SLIT1: variants seen among roughly 807,000 people sequenced by gnomAD.
SLIT1 encodes the protein slit homolog 1 protein.
In SLIT1, 66 loss-of-function variants were observed where a neutral mutation model predicts 186.1. The ratio of observed to expected loss-of-function variants is 0.35; its 90% CI spans 0.29 to 0.44. The LOEUF is 0.44. Among genes scored for constraint, SLIT1 ranks in the 20% least tolerant of loss-of-function variants. The pLI is 1.00. For synonymous variants in SLIT1, 761 were observed against 833.8 expected (o/e 0.91, Z 1.50); for missense variants, 1,638 against 2,037.4 (o/e 0.80, Z 3.77).
At chr10:97,127,448 C>T (rs1230984666) in intron 4 of SLIT1, among the ~76,000 whole-genome samples, 1 of 152,214 alleles carries the variant, frequency 6.6e-6, no homozygotes, top group African/African-American at 2.4e-5. Context: ...GCAGTACCTA[C>T]CAGATGCAAG....
intron 11 of SLIT1, 64 bp downstream of exon 11, chr10:97,059,396 G>C: frequency 1.1e-5 from 15 of 1,359,626 alleles, no homozygotes; most frequent in Non-Finnish European, 1.5e-5. Context: ...CAGGACCCTG[G>C]GCCCTGCCAG....
chr10:97,096,371 G>A (rs1371627517), intron 4 of SLIT1, among the ~76,000 whole-genome samples: 1 of 151,654 alleles, frequency 6.6e-6, no homozygotes, highest in Non-Finnish European at 1.5e-5. Flanking sequence ...TCGCCATCAC[G>A]CCCTCGAGCC....
Position 97,011,056 on chromosome 10 carries a change from T to A in SLIT1, c.3278A>T (p.Gln1093Leu). The change falls in exon 31 of 37, where the codon CAG becomes CTG. Residue 1093 changes from glutamine to leucine, a missense_variant. By Grantham distance (113) the Gln-to-Leu change is moderately radical. Transcript: ENST00000266058. The stretch of plus-strand genomic sequence containing the variant: ...TTCATCCATACACTGGGCCCCATTC[T>A]GGCAGCGGTGGTCCCTGCAGTCATC... ...NQDDCRDHRC[Q>L]NGAQCMDEVN... is the part of the protein sequence containing the mutation. 1 of 1,614,050 alleles carries A rather than the reference T, an allele frequency of 6.2e-7. No homozygotes were observed. The highest frequency in any genetic ancestry group is 8.5e-7 in the Non-Finnish European group (1 of 1,179,904).
intron 11 of SLIT1, among the ~76,000 whole-genome samples, chr10:97,057,546 C>T (rs1234354211): frequency 4.6e-5 from 7 of 152,268 alleles, no homozygotes; most frequent in Admixed American, 1.3e-4. Flanking sequence ...CCTGCTTCAC[C>T]GCCCTCACAC....
At position 97,183,579 on chromosome 10, in the gene SLIT1, C is replaced by A. The variant is rs140799359; in HGVS notation, c.197+1899G>T. Among the ~76,000 whole-genome samples, 457 of 152,260 alleles carry A rather than the reference C, an allele frequency of 3.0e-3. 4 individuals carry two copies. Among genetic ancestry groups the A allele is most frequent in the African/African-American group, 0.011 (440 of 41,540 alleles). On this transcript the variant is annotated intron_variant, in intron 1 of 36. Transcript: ENST00000266058. The stretch of plus-strand genomic sequence containing the variant: ...AGCTGGGGAACCAGGCAGTATAGCT[C>A]CCAGAATGCCACCTCTTTCCTCTGT...
chr10:97,016,539 G>A (rs1848456579), intron 28 of SLIT1, among the ~76,000 whole-genome samples: 1 of 152,114 alleles, frequency 6.6e-6, no homozygotes, highest in South Asian at 2.1e-4. Flanking sequence ...GGGACTATAG[G>A]CATTCACCAT....
At chr10:97,160,552 C>T (rs1201538429) in intron 3 of SLIT1, among the ~76,000 whole-genome samples, 5 of 152,062 alleles carry the variant, frequency 3.3e-5, no homozygotes, top group African/African-American at 4.8e-5. Context: ...ACAAGGTATA[C>T]GTGTGTGGTT....
chr10:97,115,437 T>C (rs544258915), intron 4 of SLIT1, among the ~76,000 whole-genome samples: 4 of 152,254 alleles, frequency 2.6e-5, no homozygotes, highest in African/African-American at 7.2e-5. Flanking sequence ...ACCTCTCCAG[T>C]TTCTTCACTG....
intron 25 of SLIT1, among the ~76,000 whole-genome samples, chr10:97,029,179 T>A (rs755342564): frequency 2.6e-5 from 4 of 152,342 alleles, no homozygotes; most frequent in Non-Finnish European, 5.9e-5. Flanking sequence ...TACTATTTTA[T>A]CTCCTGAAGT....
chr10:97,062,817 C>A (rs1848905577), intron 8 of SLIT1, among the ~76,000 whole-genome samples: 1 of 152,254 alleles, frequency 6.6e-6, no homozygotes. Flanking sequence ...CGAGCAGTGA[C>A]CTCCCAGACT....
chr10:97,117,754 T>A (rs1340701329), intron 4 of SLIT1, among the ~76,000 whole-genome samples: 5 of 152,226 alleles, frequency 3.3e-5, no homozygotes. Context: ...CACTTCTGGC[T>A]CTCCCTGAGG....
chr10:97,102,143 C>G (rs530079897), intron 4 of SLIT1: 1 of 152,112 alleles, frequency 6.6e-6, no homozygotes, highest in Non-Finnish European at 1.5e-5. Context: ...GTGAGGTGGC[C>G]GGGCGCGGTG....
chr10:97,009,086 C>T (rs1848389079), intron 31 of SLIT1, among the ~76,000 whole-genome samples: 1 of 151,976 alleles, frequency 6.6e-6, no homozygotes, highest in Non-Finnish European at 1.5e-5. Context: ...ACTGTGTTAG[C>T]CAGGATGGTC....
rs1848304324 is a variant in SLIT1 at position 97,001,173 on chromosome 10, C to T, written c.4544G>A (p.Gly1515Glu). The T allele has an allele frequency of 1.2e-6, 2 of 1,613,168 alleles. No homozygotes were observed. The highest frequency in any genetic ancestry group is 1.7e-6 in the Non-Finnish European group (2 of 1,179,880). The change falls in exon 37 of 37, where the codon GGG (glycine) becomes GAG (glutamate). Residue 1515 changes from glycine (G) to glutamate (E), a missense_variant. This residue lies in a region of SLIT1 where 220 missense variants were observed against 211.3 expected (regional missense o/e 1.04). Coordinates refer to ENST00000266058, the MANE Select transcript of SLIT1 (RefSeq NM_003061.3). ...TTCCACCTCCTCGGCAAAAGAGGTC[C>T]CATCGCTGCACTCAAAGGTGAACTT... The part of the protein sequence containing the change: ...RRKFTFECSD[G>E]TSFAEEVEKP...
intron 1 of SLIT1, among the ~76,000 whole-genome samples, chr10:97,181,691 A>G (rs570719033): frequency 1.5e-4 from 22 of 150,950 alleles, no homozygotes; most frequent in East Asian, 1.2e-3. Context: ...ACAAAAAAGG[A>G]AAAAAAAAGA....
chr10:97,111,179 G>A (rs185658380), intron 4 of SLIT1, among the ~76,000 whole-genome samples: 18 of 151,340 alleles, frequency 1.2e-4, no homozygotes, highest in Non-Finnish European at 2.2e-4. Flanking sequence ...GTCAGAGCAA[G>A]ACTCTGTCTC....
At chr10:97,011,156 T>TG (rs748266722) in intron 30 of SLIT1, 26 bp from the exon 31 acceptor site, 4 of 1,590,612 alleles carry the variant, frequency 2.5e-6, no homozygotes, top group African/African-American at 2.7e-5. Flanking sequence ...CAGGGGTAGT[T>TG]GGGGGGTCAG....
intron 18 of SLIT1, 61 bp downstream of exon 18, chr10:97,046,593 C>G: frequency 6.6e-7 from 1 of 1,506,264 alleles, no homozygotes; most frequent in Non-Finnish European, 8.9e-7. Flanking sequence ...CTCTTCCTTT[C>G]CCTTGGCTTT....
chr10:97,037,947 G>C (rs1202880063), intron 21 of SLIT1, among the ~76,000 whole-genome samples, 181 bp from the exon 22 acceptor site: 8 of 152,020 alleles, frequency 5.3e-5, no homozygotes, highest in Non-Finnish European at 1.2e-4. Context: ...AAGCCATCTG[G>C]GGAGGTGCCA....
Sources: allele counts gnomAD v4.1 joint callset (sites outside exome capture counted in the v4.1 genomes callset), GRCh38; gene constraint gnomAD v4.1.1; regional missense constraint gnomAD v4.1.1; transcripts MANE v1.5; gene names NCBI Gene and HGNC (gene_info 2026-07-23, HGNC 2026-07-21).